Variants in MILR1 observed in about 807,000 individuals in gnomAD.
MILR1 encodes allergin-1.
Under a neutral mutation model 18.5 loss-of-function variants are expected in MILR1, and 31 were observed. The ratio of observed to expected loss-of-function variants is 1.68; its 90% CI spans 1.26 to 2.26. MILR1 has a LOEUF of 2.26. Ranked by LOEUF, MILR1 falls within the 30% of genes most tolerant of loss-of-function variation. The probability of loss-of-function intolerance (pLI) is 0.00; values close to 1 mark genes in which losing one functional copy is unlikely to be tolerated. For synonymous variants in MILR1, 85 were observed against 56.2 expected (o/e 1.51, Z -2.30); for missense variants, 257 against 157.4 (o/e 1.63, Z -3.38).
chr17:64,467,540 A>G (rs782296001), intron 8 of MILR1, 25 bp from the exon 9 acceptor site: 15 of 1,402,684 alleles, frequency 1.1e-5, no homozygotes, highest in Non-Finnish European at 1.3e-5. Context: ...ATCCTAAGTA[A>G]ATTATTTTCC....
chr17:64,491,575 G>A, the MILR1 span: 6 of 1,552,060 alleles, frequency 3.9e-6, no homozygotes, highest in African/African-American at 6.8e-5. Flanking sequence ...GTCAAACTAG[G>A]GGAGCTGCCA....
chr17:64,460,968 C>T (rs2037418305), intron 5 of MILR1, 36 bp downstream of exon 5: 3 of 469,694 alleles, frequency 6.4e-6, no homozygotes, highest in Middle Eastern at 6.0e-4. Context: ...CCCGTTTTCC[C>T]GTGGGCTTGG....
chr17:64,484,793 A>T, the MILR1 span, among the ~76,000 whole-genome samples: 1 of 152,192 alleles, frequency 6.6e-6, no homozygotes, highest in African/African-American at 2.4e-5. Flanking sequence ...CTAAATGAAC[A>T]CTGTATAATA....
chr17:64,459,984 TTA>T (rs1182352278), intron 4 of MILR1, among the ~76,000 whole-genome samples: 45,525 of 133,692 alleles, frequency 0.34, 9,038 homozygotes, highest in Middle Eastern at 0.48. Context: ...TATTTTTATT[TTA>T]TTTTATTTTA....
chr17:64,470,680 C>G (rs989760964), downstream of MILR1, among the ~76,000 whole-genome samples: 9 of 152,246 alleles, frequency 5.9e-5, no homozygotes, highest in Non-Finnish European at 7.3e-5. Flanking sequence ...TCCATCTCCT[C>G]CATGGTTGGC....
chr17:64,466,600 A>G lies in MILR1; in HGVS notation c.917A>G (p.Lys306Arg). 6.2e-7 allele frequency: 1 copy of G among 1,611,650 alleles called. No homozygotes were observed. Among genetic ancestry groups the G allele is most frequent in the South Asian group, 1.1e-5 (1 of 90,530 alleles). Residue 306 changes from lysine (K) to arginine (R), a missense_variant, in exon 8 of 10, where the codon AAA (lysine) becomes AGA (arginine). Lys to Arg is a conservative substitution (Grantham distance 26). Coordinates refer to ENST00000619286, the MANE Select transcript of MILR1 (RefSeq NM_001085423.2). ...TTCCTTATCTTTTGCCCAGAGGCCA[A>G]ACACTCCCAGGAGCTACAGTATGCC... is the stretch of plus-strand genomic sequence containing the variant. Reference protein sequence around the residue: ...PCVSTAQDEAKHSQELQYATP... With the variant: ...PCVSTAQDEARHSQELQYATP...
At chr17:64,480,972 T>G in the MILR1 span, among the ~76,000 whole-genome samples, 1 of 152,148 alleles carries the variant, frequency 6.6e-6, no homozygotes, top group Non-Finnish European at 1.5e-5. Context: ...CACAGTAAAC[T>G]TAACTGTTTT....
chr17:64,473,435 C>G (rs8071958), downstream of MILR1, among the ~76,000 whole-genome samples: 41,812 of 151,474 alleles, frequency 0.28, 11,163 homozygotes, highest in African/African-American at 0.7. Flanking sequence ...CCAGAGGAAT[C>G]ATCAACAGTG....
At chr17:64,495,429 A>G in the MILR1 span, among the ~76,000 whole-genome samples, 4 of 151,666 alleles carry the variant, frequency 2.6e-5, no homozygotes, top group African/African-American at 9.7e-5. Flanking sequence ...AAAACACAAA[A>G]ATTAGCTGGG....
chr17:64,457,816 T>C, intron 4 of MILR1, 132 bp downstream of exon 4: 2 of 445,914 alleles, frequency 4.5e-6, no homozygotes, highest in East Asian at 3.2e-5. Flanking sequence ...TTTGTCAAGG[T>C]AGAAGGATAG....
chr17:64,487,385 G>GT, the MILR1 span: 3 of 152,226 alleles, frequency 2.0e-5, no homozygotes, highest in Middle Eastern at 6.8e-3. Flanking sequence ...AGGCCATGGT[G>GT]GACGAATCAC....
chr17:64,461,071 A>C, intron 5 of MILR1, 139 bp downstream of exon 5: 47 of 331,888 alleles, frequency 1.4e-4, no homozygotes, highest in East Asian at 3.6e-4. Context: ...AAACATGAGA[A>C]AGGGGGGCGG....
At chr17:64,483,355 A>G in the MILR1 span, among the ~76,000 whole-genome samples, 1 of 151,252 alleles carries the variant, frequency 6.6e-6, no homozygotes, top group Non-Finnish European at 1.5e-5. Flanking sequence ...CTCTACCAAA[A>G]AAATACAAAA....
the MILR1 span, chr17:64,496,728 C>T: frequency 1.2e-6 from 2 of 1,614,102 alleles, no homozygotes; most frequent in Non-Finnish European, 1.7e-6. Context: ...TGCTTGCTTC[C>T]ACTTAGGAAA....
the MILR1 span, among the ~76,000 whole-genome samples, chr17:64,478,251 T>C: frequency 1.3e-5 from 2 of 152,046 alleles, no homozygotes; most frequent in East Asian, 3.8e-4. Flanking sequence ...CCTCAACACA[T>C]CATTTGGGGT....
chr17:64,483,529 C>A, the MILR1 span, among the ~76,000 whole-genome samples: 10 of 140,096 alleles, frequency 7.1e-5, no homozygotes, highest in Non-Finnish European at 1.4e-4. Flanking sequence ...AAAAAAAAAA[C>A]AAATTAACTT....
rs2037417909 is a variant in MILR1 at position 64,460,949 on chromosome 17, G to A, written c.763+17G>A. Reference sequence around the variant, plus strand: ...ACAAAACAAGTAAGTTCTTTTAGTCGCTTTACCACCCGTTTTCCCGTGGGC... The same window carrying A: ...ACAAAACAAGTAAGTTCTTTTAGTCACTTTACCACCCGTTTTCCCGTGGGC... On this transcript the variant is annotated intron_variant, in intron 5 of 9. Transcript: ENST00000619286. The A allele has an allele frequency of 4.2e-6, 2 of 472,814 alleles. No homozygotes were observed. The highest frequency in any genetic ancestry group is 6.8e-5 in the South Asian group (1 of 14,778). The allele number at this position is 472,814 out of a possible 1,614,324, so 29.3% of individuals were successfully genotyped here. A position where few individuals can be genotyped will look rare whatever the true frequency, so the allele number is the denominator to read the frequency against.
intron 3 of MILR1, among the ~76,000 whole-genome samples, chr17:64,453,269 A>C (rs989576052): frequency 6.6e-6 from 1 of 151,682 alleles, no homozygotes; most frequent in South Asian, 2.1e-4. Context: ...AGGTTTCACC[A>C]TGTTGGTCAG....
intron 3 of MILR1, among the ~76,000 whole-genome samples, chr17:64,453,611 C>A (rs1280548869): frequency 6.7e-6 from 1 of 150,234 alleles, no homozygotes; most frequent in Non-Finnish European, 1.5e-5. Flanking sequence ...CCTTTCCCAC[C>A]GCTTCCTTAG....
Sources: allele counts gnomAD v4.1 joint callset (sites outside exome capture counted in the v4.1 genomes callset), GRCh38; gene constraint gnomAD v4.1.1; transcripts MANE v1.5; gene names NCBI Gene and HGNC (gene_info 2026-07-23, HGNC 2026-07-21).